The following JAK1 variants were observed in gnomAD, a reference collection of about 807,000 sequenced individuals.
JAK1 encodes Janus kinase 1.
In JAK1, 16 loss-of-function variants were observed where a neutral mutation model predicts 136.6. The observed-to-expected ratio is 0.12, with a 90% CI of 0.08 to 0.18. The LOEUF (loss-of-function observed/expected upper bound fraction) is 0.18. Ranked by LOEUF, JAK1 falls within the 10% of genes least tolerant of loss-of-function variation. JAK1 has a pLI of 1.00. For missense variants in JAK1, 859 were observed against 1,450.1 expected (o/e 0.59, Z 6.62); for synonymous variants, 492 against 519.5 (o/e 0.95, Z 0.72).
At chr1:64,840,192 G>C (rs907399695) in intron 19 of JAK1, among the ~76,000 whole-genome samples, 1 of 152,200 alleles carries the variant, frequency 6.6e-6, no homozygotes, top group Non-Finnish European at 1.5e-5. Context: ...TTTAGAAGAC[G>C]TGAGATCAGG....
intron 1 of JAK1, among the ~76,000 whole-genome samples, chr1:64,905,619 C>T (rs1645178128): frequency 6.6e-6 from 1 of 152,234 alleles, no homozygotes; most frequent in Non-Finnish European, 1.5e-5. Flanking sequence ...CACATCTACA[C>T]ATTGGGAACC....
At chr1:64,914,405 A>G (rs1310567793) in intron 1 of JAK1, among the ~76,000 whole-genome samples, 1 of 152,256 alleles carries the variant, frequency 6.6e-6, no homozygotes, top group Non-Finnish European at 1.5e-5. Flanking sequence ...GAGAACTGCT[A>G]AAGAAAAAGC....
At chr1:64,951,075 C>G (rs1368497613) in intron 1 of JAK1, among the ~76,000 whole-genome samples, 1 of 152,162 alleles carries the variant, frequency 6.6e-6, no homozygotes, top group African/African-American at 2.4e-5. Flanking sequence ...ACCAAATATT[C>G]AGGTTCATGG....
chr1:64,860,520 C>T (rs1421844034), intron 8 of JAK1, among the ~76,000 whole-genome samples: 2 of 150,372 alleles, frequency 1.3e-5, no homozygotes, highest in Non-Finnish European at 3.0e-5. Flanking sequence ...GTGGTGAGAT[C>T]TCGGCTCACT....
At chr1:65,021,361 C>G (rs1369017513) in intron 2 of JAK1, among the ~76,000 whole-genome samples, 1 of 152,198 alleles carries the variant, frequency 6.6e-6, no homozygotes, top group Non-Finnish European at 1.5e-5. Context: ...CATTGGTACT[C>G]AAGGCTACCT....
intron 20 of JAK1, among the ~76,000 whole-genome samples, chr1:64,839,064 T>C (rs1654699153): frequency 7.2e-6 from 1 of 139,854 alleles, no homozygotes; most frequent in Non-Finnish European, 1.5e-5. Context: ...GAGAATGGCG[T>C]GAACCCGGGA....
chr1:65,022,791 T>A (rs1207430333), intron 2 of JAK1, among the ~76,000 whole-genome samples: 1 of 152,190 alleles, frequency 6.6e-6, no homozygotes, highest in Non-Finnish European at 1.5e-5. Flanking sequence ...GAAAAATTAA[T>A]ATAGCATTTT....
chr1:65,047,186 AT>A lies in JAK1; in HGVS notation c.-180-2605del, dbSNP rs1247124174. Among the ~76,000 whole-genome samples the A allele has an allele frequency of 3.3e-5, 5 of 151,954 alleles. No individual in the cohort carries two copies. The South Asian group carries it at 8.3e-4, about 25-fold the overall frequency. On this transcript the variant is annotated intron_variant, in intron 1 of 25. Transcript: ENST00000671954. ...CTGGGTAAAACCCTGTCTCCAAAAA[AT>A]TTTTTTTGTTTCATTCTAACCATAC...
chr1:65,048,117 A>G (rs1356030693), intron 1 of JAK1, among the ~76,000 whole-genome samples: 1 of 152,242 alleles, frequency 6.6e-6, no homozygotes, highest in African/African-American at 2.4e-5. Flanking sequence ...GAAGAAAAGA[A>G]TCAATGAAAA....
chr1:64,940,648 G>A (rs1006366194), intron 1 of JAK1, among the ~76,000 whole-genome samples: 1 of 152,082 alleles, frequency 6.6e-6, no homozygotes, highest in Non-Finnish European at 1.5e-5. Flanking sequence ...TGAAGAAAAT[G>A]AGGTTAAGAC....
intron 1 of JAK1, among the ~76,000 whole-genome samples, chr1:64,957,666 C>T (rs926721519): frequency 6.6e-6 from 1 of 151,614 alleles, no homozygotes; most frequent in African/African-American, 2.4e-5. Flanking sequence ...AAAAATTAGC[C>T]GGGCGTGGTG....
At chr1:64,835,601 AT>A in intron 23 of JAK1, 95 bp from the exon 24 acceptor site, 1 of 767,624 alleles carries the variant, frequency 1.3e-6, no homozygotes, top group Non-Finnish European at 2.2e-6. Flanking sequence ...TCAACTGGAA[AT>A]TTAAGTAGCA....
intron 7 of JAK1, among the ~76,000 whole-genome samples, chr1:64,865,285 G>A (rs1246531148): frequency 6.6e-6 from 1 of 152,150 alleles, no homozygotes; most frequent in Non-Finnish European, 1.5e-5. Flanking sequence ...TCTACATTCA[G>A]GTCTCCTCAC....
chr1:64,846,484 C>T (rs1455898037), intron 14 of JAK1, among the ~76,000 whole-genome samples, 165 bp downstream of exon 14: 2 of 152,148 alleles, frequency 1.3e-5, no homozygotes, highest in Non-Finnish European at 2.9e-5. Flanking sequence ...TCCACCTCCA[C>T]TATTAACTTA....
At chr1:64,962,754 G>A (rs1429620468) in intron 1 of JAK1, among the ~76,000 whole-genome samples, 1 of 152,146 alleles carries the variant, frequency 6.6e-6, no homozygotes, top group Non-Finnish European at 1.5e-5. Context: ...ATGGCTTGGA[G>A]GCAGCAAGGA....
intron 1 of JAK1, among the ~76,000 whole-genome samples, chr1:64,896,560 T>C (rs1424507887): frequency 6.6e-6 from 1 of 152,242 alleles, no homozygotes; most frequent in Non-Finnish European, 1.5e-5. Flanking sequence ...AACTCACTTG[T>C]TCCAGGACAT....
At chr1:64,914,752 T>C (rs951082453) in intron 1 of JAK1, among the ~76,000 whole-genome samples, 1 of 152,168 alleles carries the variant, frequency 6.6e-6, no homozygotes, top group East Asian at 1.9e-4. Flanking sequence ...TTAGTAGAGA[T>C]GGGGTTTCAC....
At chr1:65,062,027 A>G (rs564295562) in intron 1 of JAK1, among the ~76,000 whole-genome samples, 8 of 152,292 alleles carry the variant, frequency 5.3e-5, no homozygotes, top group Admixed American at 3.3e-4. Flanking sequence ...ATGTAACTTT[A>G]TAAGGTCCAT....
At chr1:64,873,246 C>T in intron 5 of JAK1, 124 bp downstream of exon 5, 1 of 1,121,442 alleles carries the variant, frequency 8.9e-7, no homozygotes, top group Non-Finnish European at 1.3e-6. Flanking sequence ...GTGGCAAGAA[C>T]TTACCCAGAA....
Sources: gnomAD v4.1 joint callset for allele counts (sites outside exome capture counted in the v4.1 genomes callset) on GRCh38, gnomAD v4.1.1 for gene constraint, MANE v1.5 for transcripts, NCBI Gene and HGNC (gene_info 2026-07-23, HGNC 2026-07-21) for gene names.